The following RLF variants were observed in gnomAD, a reference collection of about 807,000 sequenced individuals.
The protein encoded by RLF is zinc finger protein Rlf.
A neutral mutation model predicts 162.9 loss-of-function variants in RLF; 7 were observed. The ratio of observed to expected loss-of-function variants is 0.04; its 90% CI spans 0.02 to 0.08. The LOEUF is 0.08. Among genes scored for constraint, RLF ranks in the 10% least tolerant of loss-of-function variants. The probability of loss-of-function intolerance (pLI) is 1.00; values close to 1 mark genes in which losing one functional copy is unlikely to be tolerated. For missense variants in RLF, 1,664 were observed against 2,244.7 expected (o/e 0.74, Z 5.23); for synonymous variants, 782 against 791.5 (o/e 0.99, Z 0.20).
At chr1:40,235,003 ATTTAT>A (rs561310101) in intron 7 of RLF, among the ~76,000 whole-genome samples, 49 of 150,342 alleles carry the variant, frequency 3.3e-4, no homozygotes, top group African/African-American at 1.2e-3. Flanking sequence ...GGAAAGGATC[ATTTAT>A]TTTATCTTTG....
intron 1 of RLF, among the ~76,000 whole-genome samples, chr1:40,180,220 T>C (rs1426308247): frequency 1.3e-5 from 2 of 152,164 alleles, no homozygotes; most frequent in African/African-American, 2.4e-5. Context: ...GGGGTTCCTA[T>C]TTCTCCACAC....
At chr1:40,194,811 T>G (rs778847536) in intron 3 of RLF, among the ~76,000 whole-genome samples, 7 of 9,944 alleles carry the variant, frequency 7.0e-4, no homozygotes, top group South Asian at 8.5e-3. Flanking sequence ...ATCCTAGTTA[T>G]TTATTTATTT....
intron 5 of RLF, among the ~76,000 whole-genome samples, chr1:40,217,838 G>A (rs549119929): frequency 2.2e-4 from 33 of 152,212 alleles, no homozygotes; most frequent in African/African-American, 7.9e-4. Flanking sequence ...TAAGGTAAAA[G>A]AAGTAACATA....
intron 3 of RLF, among the ~76,000 whole-genome samples, chr1:40,192,860 A>G (rs942706559): frequency 1.2e-4 from 18 of 152,206 alleles, no homozygotes; most frequent in African/African-American, 4.1e-4. Flanking sequence ...ATTACTATTT[A>G]CAGCTGAGTA....
chr1:40,184,721 A>G (rs1642449655), intron 1 of RLF, among the ~76,000 whole-genome samples: 1 of 152,176 alleles, frequency 6.6e-6, no homozygotes. Context: ...TTACTTATAT[A>G]TCTGACCCCT....
At chr1:40,228,507 C>T (rs182982809) in intron 6 of RLF, among the ~76,000 whole-genome samples, 43 of 147,670 alleles carry the variant, frequency 2.9e-4, no homozygotes, top group African/African-American at 6.5e-4. Flanking sequence ...CACTTGAACC[C>T]GGGAGGCGGA....
At chr1:40,207,762 C>T (rs1326673284) in intron 5 of RLF, among the ~76,000 whole-genome samples, 3 of 152,094 alleles carry the variant, frequency 2.0e-5, no homozygotes, top group Non-Finnish European at 4.4e-5. Flanking sequence ...AGACGTGCGC[C>T]ACTACACCTA....
intron 1 of RLF, among the ~76,000 whole-genome samples, chr1:40,162,490 T>C (rs142403709): frequency 6.6e-6 from 1 of 152,248 alleles, no homozygotes; most frequent in Non-Finnish European, 1.5e-5. Context: ...GTTTGTTCTG[T>C]CAGGTTTCAG....
At chr1:40,203,109 CT>C (rs34957684) in intron 5 of RLF, among the ~76,000 whole-genome samples, 5,871 of 99,660 alleles carry the variant, frequency 0.059, 90 homozygotes, top group African/African-American at 0.11. Context: ...AGGGTTGAGT[CT>C]TTTTTTTTTT....
intron 4 of RLF, among the ~76,000 whole-genome samples, chr1:40,199,656 G>A (rs1463913742): frequency 6.6e-6 from 1 of 152,146 alleles, no homozygotes; most frequent in African/African-American, 2.4e-5. Flanking sequence ...AATGCTGTGG[G>A]AATTTGCAAG....
chr1:40,229,388 T>A (rs1385674864), intron 6 of RLF, among the ~76,000 whole-genome samples: 3 of 151,998 alleles, frequency 2.0e-5, no homozygotes, highest in African/African-American at 4.8e-5. Context: ...AAAGGCATTT[T>A]AAATTAATTA....
At position 40,239,765 on chromosome 1, in the gene RLF, T is replaced by C. The variant is rs1044429692; in HGVS notation, c.5063T>C (p.Ile1688Thr). ...SKTTSLEQCN[I>T]VQPPPPCKIE... Reference sequence around the variant, plus strand: ...ACCACTTCCCTAGAACAGTGTAATATAGTTCAGCCTCCTCCTCCTTGTAAA... The same window carrying C: ...ACCACTTCCCTAGAACAGTGTAATACAGTTCAGCCTCCTCCTCCTTGTAAA... The change falls in exon 8 of 8, where the codon ATA becomes ACA. Residue 1688 changes from isoleucine (I) to threonine (T), a missense_variant. This residue lies in a region of RLF where 327 missense variants were observed against 342.7 expected (regional missense o/e 0.95). Coordinates refer to ENST00000372771, the MANE Select transcript of RLF (RefSeq NM_012421.4). 3 of 1,614,060 alleles carry C rather than the reference T, an allele frequency of 1.9e-6. No individual in the cohort carries two copies. In the African/African-American group the frequency reaches 4.0e-5, roughly 22 times the overall value.
At chr1:40,226,014 G>A (rs1643067782) in intron 6 of RLF, among the ~76,000 whole-genome samples, 1 of 151,426 alleles carries the variant, frequency 6.6e-6, no homozygotes, top group African/African-American at 2.4e-5. Flanking sequence ...TCACACTGCA[G>A]CACTCTAGTA....
chr1:40,192,751 T>C lies in RLF; in HGVS notation c.474+1898T>C, dbSNP rs185862703. Among the ~76,000 whole-genome samples, 3 of 152,314 alleles carry C rather than the reference T, an allele frequency of 2.0e-5. No individual in the cohort carries two copies. The East Asian group carries it at 5.8e-4, about 29-fold the overall frequency. On this transcript the variant is annotated intron_variant, in intron 3 of 7. Coordinates refer to ENST00000372771, the MANE Select transcript of RLF (RefSeq NM_012421.4). Reference sequence around the variant, plus strand: ...GATAAAAAGCCCTTAAGTTTTCTTATTTTATATTATAAATGGACAAGGCAG... The same window carrying C: ...GATAAAAAGCCCTTAAGTTTTCTTACTTTATATTATAAATGGACAAGGCAG...
intron 1 of RLF, among the ~76,000 whole-genome samples, chr1:40,187,119 C>T (rs1391222316): frequency 6.6e-6 from 1 of 151,958 alleles, no homozygotes; most frequent in Non-Finnish European, 1.5e-5. Flanking sequence ...GCAACCTCCG[C>T]CTCCCAGGTT....
Position 40,161,551 on chromosome 1 carries a change from C to T in RLF, c.152C>T (p.Pro51Leu). 1 of 1,608,394 alleles carries T rather than the reference C, an allele frequency of 6.2e-7. No homozygotes were observed. The highest frequency in any genetic ancestry group is 8.5e-7 in the Non-Finnish European group (1 of 1,177,688). ...SPAPGASGLR[P>L]CLWQLETELR... ...GCGCCGGGAGCCTCGGGACTGCGGC[C>T]GTGTCTGTGGCAGCTGGAGACAGAG... The change falls in exon 1 of 8, where the codon CCG (proline) becomes CTG (leucine). Residue 51 changes from proline to leucine, a missense_variant. Around this residue, in one of 15 missense-constraint regions of RLF, gnomAD observed 134 missense variants for 124.3 expected, o/e 1.08. Coordinates refer to ENST00000372771, the MANE Select transcript of RLF (RefSeq NM_012421.4). The surrounding 1 kb of genome is among the most constrained non-coding windows in gnomAD (Gnocchi z 4.4).
In RLF at chr1:40,240,415, AAGAC is replaced by A. The variant is rs774901322; in HGVS notation, c.5717_5720del (p.Thr1906MetfsTer5). The stretch of plus-strand genomic sequence containing the variant: ...AATTTTAGACTTATTTCCAACAAAA[AAGAC>A]AGATGAGCTTTGTGTAGGAAGTTCA... On this transcript the variant is annotated frameshift_variant, in exon 8 of 8. Transcript: ENST00000372771. LOFTEE classifies it high-confidence loss of function. 2 of 1,613,794 alleles carry A rather than the reference AAGAC, an allele frequency of 1.2e-6. No individual in the cohort carries two copies. Among genetic ancestry groups the A allele is most frequent in the East Asian group, 2.2e-5 (1 of 44,886 alleles).
At chr1:40,193,998 G>C (rs1015985759) in intron 3 of RLF, among the ~76,000 whole-genome samples, 2 of 152,042 alleles carry the variant, frequency 1.3e-5, no homozygotes, top group African/African-American at 4.8e-5. Context: ...TAGAACATGG[G>C]AACAAGCTCA....
At chr1:40,185,111 G>T (rs533510662) in intron 1 of RLF, among the ~76,000 whole-genome samples, 36 of 152,000 alleles carry the variant, frequency 2.4e-4, no homozygotes, top group Non-Finnish European at 3.2e-4. Context: ...GCATGGTGAT[G>T]CACTTCTCCA....
Sources: allele counts gnomAD v4.1 joint callset (sites outside exome capture counted in the v4.1 genomes callset), GRCh38; gene constraint gnomAD v4.1.1; regional missense constraint gnomAD v4.1.1; non-coding constraint Gnocchi (gnomAD v3.1); transcripts MANE v1.5; gene names NCBI Gene and HGNC (gene_info 2026-07-23, HGNC 2026-07-21).